Variants in SLC35F4 observed in about 807,000 individuals in gnomAD.
SLC35F4 encodes the protein solute carrier family 35 member F4.
A neutral mutation model predicts 44.2 loss-of-function variants in SLC35F4; 24 were observed. The ratio of observed to expected loss-of-function variants is 0.54; its 90% confidence interval spans 0.39 to 0.76. SLC35F4 has a LOEUF of 0.76. SLC35F4 is among the 30% of genes least tolerant of loss of function. The probability of loss-of-function intolerance (pLI) is 0.00; values close to 1 mark genes in which losing one functional copy is unlikely to be tolerated. For missense variants in SLC35F4, 562 were observed against 586.1 expected, an observed-to-expected ratio of 0.96 and a Z score of 0.42; for synonymous variants, 238 against 223.6, an observed-to-expected ratio of 1.06 and a Z score of -0.57.
At chr14:57,885,019 C>G (rs1005234033) in intron 1 of SLC35F4, among the ~76,000 whole-genome samples, 3 of 152,032 alleles carry the variant, frequency 2.0e-5, no homozygotes, top group African/African-American at 7.2e-5. Flanking sequence ...GTGCATATGG[C>G]TTTTTATTAC....
chr14:57,973,110 C>T (rs992495703), downstream of SLC35F4, among the ~76,000 whole-genome samples: 2 of 152,210 alleles, frequency 1.3e-5, no homozygotes, highest in Non-Finnish European at 1.5e-5. Context: ...GTACCACTGT[C>T]CCCTTAGCCA....
intron 2 of SLC35F4, among the ~76,000 whole-genome samples, chr14:57,591,720 A>G (rs1034161068): frequency 1.3e-5 from 2 of 152,270 alleles, no homozygotes; most frequent in South Asian, 2.1e-4. Context: ...CTAGTTTGGG[A>G]AAAAAGTTCT....
At chr14:57,600,609 G>A (rs1227953696) in intron 1 of SLC35F4, among the ~76,000 whole-genome samples, 2 of 138,020 alleles carry the variant, frequency 1.4e-5, no homozygotes, top group East Asian at 4.5e-4. Context: ...GGAGAATGGC[G>A]TGAACCCGGG....
intron 1 of SLC35F4, among the ~76,000 whole-genome samples, chr14:57,629,272 T>G (rs1239208448): frequency 6.6e-6 from 1 of 152,108 alleles, no homozygotes; most frequent in Admixed American, 6.6e-5. Flanking sequence ...TGCCCCACAT[T>G]CAAACAATGT....
At chr14:57,920,266 C>T (rs1014438073) in intron 1 of SLC35F4, among the ~76,000 whole-genome samples, 1 of 152,126 alleles carries the variant, frequency 6.6e-6, no homozygotes, top group Non-Finnish European at 1.5e-5. Flanking sequence ...AGATATGAAA[C>T]ATTAATAAGA....
chr14:57,699,229 T>A (rs1353284794), intron 1 of SLC35F4, among the ~76,000 whole-genome samples: 1 of 152,212 alleles, frequency 6.6e-6, no homozygotes, highest in East Asian at 1.9e-4. Flanking sequence ...GATAGAGAAG[T>A]GCACTTCATA....
intron 1 of SLC35F4, among the ~76,000 whole-genome samples, chr14:57,862,614 G>T (rs566049262): frequency 1.3e-5 from 2 of 152,212 alleles, no homozygotes; most frequent in East Asian, 3.9e-4. Context: ...AGATCTTTGC[G>T]CTAGCTATTC....
intron 1 of SLC35F4, among the ~76,000 whole-genome samples, chr14:57,785,789 G>A (rs1203578540): frequency 6.6e-6 from 1 of 152,202 alleles, no homozygotes; most frequent in Non-Finnish European, 1.5e-5. Flanking sequence ...CCCCTGGCAG[G>A]CAATTCCTGC....
chr14:57,663,549 T>A (rs1007593982), intron 1 of SLC35F4, among the ~76,000 whole-genome samples: 1 of 152,184 alleles, frequency 6.6e-6, no homozygotes, highest in South Asian at 2.1e-4. Flanking sequence ...TTTGTCTTTA[T>A]AGCACAGAGA....
At chr14:57,603,893 C>CTATG (rs2070991576) in intron 1 of SLC35F4, 1 of 152,322 alleles carries the variant, frequency 6.6e-6, no homozygotes, top group Non-Finnish European at 1.5e-5. Flanking sequence ...TTTCCCTTCT[C>CTATG]TATGATGTCT....
chr14:57,626,036 G>C (rs1303214631), intron 1 of SLC35F4, among the ~76,000 whole-genome samples: 1 of 150,694 alleles, frequency 6.6e-6, no homozygotes, highest in Non-Finnish European at 1.5e-5. Flanking sequence ...CATGGATGAA[G>C]CTGGAAACCA....
intron 1 of SLC35F4, among the ~76,000 whole-genome samples, chr14:57,861,307 C>A (rs182577204): frequency 1.3e-5 from 2 of 152,282 alleles, no homozygotes; most frequent in Admixed American, 1.3e-4. Flanking sequence ...AAACGGGCCC[C>A]ACACACCTTA....
chr14:57,662,977 G>A (rs1360558650), intron 1 of SLC35F4, among the ~76,000 whole-genome samples: 1 of 152,140 alleles, frequency 6.6e-6, no homozygotes. Flanking sequence ...ACTCCCAATG[G>A]GTGTTCCTCT....
intron 1 of SLC35F4, among the ~76,000 whole-genome samples, chr14:57,601,122 G>T (rs1216422070): frequency 6.6e-6 from 1 of 151,540 alleles, no homozygotes; most frequent in African/African-American, 2.4e-5. Context: ...AAATAACTTG[G>T]CTGTTGGTCA....
At chr14:57,699,855 C>A (rs1168363052) in intron 1 of SLC35F4, among the ~76,000 whole-genome samples, 2 of 152,160 alleles carry the variant, frequency 1.3e-5, no homozygotes, top group Non-Finnish European at 2.9e-5. Flanking sequence ...TTCTAAAATA[C>A]AAATTCCAAG....
intron 1 of SLC35F4, among the ~76,000 whole-genome samples, chr14:57,689,290 G>T (rs1428678671): frequency 6.6e-6 from 1 of 152,046 alleles, no homozygotes; most frequent in African/African-American, 2.4e-5. Flanking sequence ...ACCCTGTCCT[G>T]CCAAGTTGAC....
intron 1 of SLC35F4, among the ~76,000 whole-genome samples, chr14:57,826,026 A>T (rs574628505): frequency 6.6e-6 from 1 of 152,222 alleles, no homozygotes; most frequent in Non-Finnish European, 1.5e-5. Context: ...TAAAATTTAT[A>T]TGGAACCAAA....
chr14:57,794,016 A>C (rs1273954715), intron 1 of SLC35F4, among the ~76,000 whole-genome samples: 2 of 152,166 alleles, frequency 1.3e-5, no homozygotes, highest in Non-Finnish European at 2.9e-5. Flanking sequence ...AATGCAGAAG[A>C]ATAAAACTAG....
chr14:57,610,807 A>C (rs1240615356), intron 1 of SLC35F4, among the ~76,000 whole-genome samples: 1 of 152,194 alleles, frequency 6.6e-6, no homozygotes, highest in Non-Finnish European at 1.5e-5. Flanking sequence ...AGTATCTCCT[A>C]TGTGCCAGGA....
Sources: gnomAD v4.1 joint callset for allele counts (sites outside exome capture counted in the v4.1 genomes callset) on GRCh38, gnomAD v4.1.1 for gene constraint, MANE v1.5 for transcripts, NCBI Gene and HGNC (gene_info 2026-07-23, HGNC 2026-07-21) for gene names.